Variants in FRMPD4 observed in about 807,000 individuals in gnomAD.
FRMPD4 encodes FERM and PDZ domain containing 4.
FRMPD4 carries 22 observed loss-of-function variants against 94.1 expected under a neutral mutation model. The observed-to-expected ratio is 0.23, with a 90% confidence interval of 0.17 to 0.33. The LOEUF is 0.33. FRMPD4 is among the 10% of genes least tolerant of loss of function. The pLI is 1.00. For synonymous variants in FRMPD4, 631 were observed against 548.6 expected (o/e 1.15, Z -2.10); for missense variants, 1,111 against 1,339.9 (o/e 0.83, Z 2.67).
intron 2 of FRMPD4, among the ~76,000 whole-genome samples, chrX:12,538,609 T>G (rs909192916): frequency 2.7e-5 from 3 of 111,257 alleles, no homozygotes; most frequent in African/African-American, 9.8e-5. Flanking sequence ...CACGGCCGGG[T>G]ACCCCTCTGA....
At chrX:12,095,260 C>A (rs2055188641) in intron 3 of FRMPD4, among the ~76,000 whole-genome samples, 2 of 108,706 alleles carry the variant, frequency 1.8e-5, no homozygotes, top group Non-Finnish European at 3.8e-5. Context: ...TGCTTGCGGT[C>A]CCAGCTACTC....
intron 1 of FRMPD4, among the ~76,000 whole-genome samples, chrX:12,286,725 C>A (rs2054605595): frequency 9.2e-6 from 1 of 108,997 alleles, no homozygotes; most frequent in South Asian, 4.0e-4. Context: ...TAGATGTTGC[C>A]TCAAATGAGT....
chrX:11,828,605 A>G (rs753959816), intron 1 of FRMPD4, among the ~76,000 whole-genome samples: 3 of 112,037 alleles, frequency 2.7e-5, no homozygotes, highest in Non-Finnish European at 5.6e-5. Context: ...TGTGTGCCCC[A>G]TCGAAAGTGG....
At chrX:12,289,184 A>G (rs113510494) in intron 1 of FRMPD4, among the ~76,000 whole-genome samples, 2,282 of 111,014 alleles carry the variant, frequency 0.021, 65 homozygotes, top group African/African-American at 0.071. Flanking sequence ...CTCTACTTTC[A>G]ATCTGATTTT....
At chrX:12,505,250 C>CTAG (rs1189709439) in intron 2 of FRMPD4, among the ~76,000 whole-genome samples, 1 of 111,698 alleles carries the variant, frequency 9.0e-6, no homozygotes, top group Non-Finnish European at 1.9e-5. Flanking sequence ...TTGAGCCAAC[C>CTAG]CTTGCAGAGA....
rs1318043144 is a variant in FRMPD4 at position 12,721,748 on chromosome X, G to A, written c.5179G>A (p.Gly1727Arg). 172 of 753,309 alleles carry A rather than the reference G, an allele frequency of 2.3e-4. No individual in the cohort carries two copies. The highest frequency in any genetic ancestry group is 2.7e-4 in the Non-Finnish European group (170 of 638,375). The allele number at this position is 753,309 out of a possible 1,213,427, so 62.1% of individuals were successfully genotyped here. The change falls in exon 17 of 17, where the codon GGA (glycine) becomes AGA (arginine). Residue 1727 changes from glycine to arginine, a missense_variant. Coordinates refer to ENST00000675598, the MANE Select transcript of FRMPD4 (RefSeq NM_001368397.1). ...ACTGAAAGCTGCCGAAGCAGCCACT[G>A]GAAAGAACCCTGGGGACCCTAATGT... is the stretch of plus-strand genomic sequence containing the variant. ...CLLKAAEAAT[G>R]KNPGDPNVGL...
rs1395867975 is a variant in FRMPD4, at chrX:12,388,850, T to TAC, written c.42-109824_42-109823dup. Among the ~76,000 whole-genome samples the TAC allele has an allele frequency of 1.8e-3, 130 of 73,332 alleles. 4 individuals carry two copies. The highest frequency in any genetic ancestry group is 7.2e-3 in the African/African-American group (111 of 15,455). 63.7% of individuals were successfully genotyped at this position (73,332 alleles called of 115,157 possible). ...ATATATATATATATATATATATATA[T>TAC]ACACACAATGGAGTACTATTCAGCC... is the stretch of plus-strand genomic sequence containing the variant. On this transcript the variant is annotated intron_variant, in intron 1 of 16. Coordinates refer to ENST00000675598, the MANE Select transcript of FRMPD4 (RefSeq NM_001368397.1).
At chrX:12,201,005 G>C (rs1051893180) in intron 1 of FRMPD4, among the ~76,000 whole-genome samples, 3 of 112,335 alleles carry the variant, frequency 2.7e-5, no homozygotes, top group African/African-American at 9.7e-5. Flanking sequence ...AACACTTACA[G>C]AGTTGCAACA....
chrX:12,370,076 A>G (rs1217172278), intron 1 of FRMPD4, among the ~76,000 whole-genome samples: 1 of 111,602 alleles, frequency 9.0e-6, no homozygotes, highest in Non-Finnish European at 1.9e-5. Flanking sequence ...TAATTTTCCA[A>G]TTTTTTAAGA....
chrX:11,956,439 G>A (rs1019418601), intron 3 of FRMPD4, among the ~76,000 whole-genome samples: 3 of 112,097 alleles, frequency 2.7e-5, no homozygotes, highest in Admixed American at 1.9e-4. Context: ...CTATTCTAAT[G>A]TAAGAAAGCC....
In FRMPD4 at chrX:11,978,321, CAAAAAAAAAAAAAA is replaced by C. The variant is rs1172824155; in HGVS notation, c.95+100318_95+100331del. On this transcript the variant is annotated intron_variant, in intron 3 of 18. Coordinates refer to the FRMPD4 transcript ENST00000640291. The stretch of plus-strand genomic sequence containing the variant: ...TGGATGACAGAGTGAAACTCCATCT[CAAAAAAAAAAAAAA>C]AAAAAAAAAAAAAAGTTCCCTGGCT... Among the ~76,000 whole-genome samples, 9 of 16,355 alleles carry C rather than the reference CAAAAAAAAAAAAAA, an allele frequency of 5.5e-4. No homozygotes were observed. In the East Asian group the frequency reaches 9.9e-3, roughly 18 times the overall value. 14.2% of individuals were successfully genotyped at this position (16,355 alleles called of 115,157 possible).
rs189003663 is a variant in FRMPD4, at chrX:11,934,849, A to G, written c.95+56831A>G. Among the ~76,000 whole-genome samples, 4 of 110,856 alleles carry G rather than the reference A, an allele frequency of 3.6e-5. No homozygotes were observed. The Admixed American group carries it at 3.8e-4, about 11-fold the overall frequency. On this transcript the variant is annotated intron_variant, in intron 3 of 18. Transcript: ENST00000640291. Reference sequence around the variant, plus strand: ...GTCCTTGAAGTTCATAGCAATTGCTATTCAAGACAAGATCGTTTTGTTGTT... The same window carrying G: ...GTCCTTGAAGTTCATAGCAATTGCTGTTCAAGACAAGATCGTTTTGTTGTT...
chrX:12,202,859 G>T (rs2056646940), intron 1 of FRMPD4, among the ~76,000 whole-genome samples: 1 of 111,633 alleles, frequency 9.0e-6, no homozygotes, highest in African/African-American at 3.3e-5. Flanking sequence ...TCCAAGAAAA[G>T]GAATGCCAAG....
intron 1 of FRMPD4, among the ~76,000 whole-genome samples, chrX:12,467,677 G>T (rs2057463551): frequency 8.9e-6 from 1 of 112,213 alleles, no homozygotes; most frequent in Admixed American, 9.5e-5. Flanking sequence ...GCTCAGCCAA[G>T]GGATATAGCA....
chrX:12,576,440 C>T (rs1256331548), intron 2 of FRMPD4, among the ~76,000 whole-genome samples: 2 of 112,736 alleles, frequency 1.8e-5, no homozygotes, highest in Non-Finnish European at 3.7e-5. Flanking sequence ...ACACAGGAGG[C>T]AGTCATCTGT....
intron 2 of FRMPD4, among the ~76,000 whole-genome samples, chrX:12,527,496 T>G (rs919941714): frequency 2.8e-5 from 3 of 108,019 alleles, no homozygotes; most frequent in Non-Finnish European, 3.9e-5. Context: ...AGTTTTTTTT[T>G]TTTTTTTTTT....
At chrX:12,553,182 A>AAG (rs774192005) in intron 2 of FRMPD4, among the ~76,000 whole-genome samples, 1 of 109,866 alleles carries the variant, frequency 9.1e-6, no homozygotes, top group African/African-American at 3.3e-5. Context: ...GAAAGAAAGA[A>AAG]AGAAAGAAAG....
At chrX:12,698,623 A>G (rs530268244) in intron 9 of FRMPD4, among the ~76,000 whole-genome samples, 2 of 108,948 alleles carry the variant, frequency 1.8e-5, no homozygotes, top group South Asian at 8.0e-4. Context: ...ATATATATAT[A>G]TTTGGAATAT....
Position 12,716,953 on chromosome X carries a change from G to A in FRMPD4, c.2494G>A (p.Glu832Lys), listed in dbSNP as rs145583343. 31 of 1,209,574 alleles carry A rather than the reference G, an allele frequency of 2.6e-5. No homozygotes were observed. Among genetic ancestry groups the A allele is most frequent in the East Asian group, 3.0e-5 (1 of 33,757 alleles). Residue 832 changes from glutamate to lysine, a missense_variant, in exon 15 of 17, where the codon GAG becomes AAG. By Grantham distance (56) the Glu-to-Lys change is moderately conservative. Around this residue, in one of 8 missense-constraint regions of FRMPD4, gnomAD observed 74 missense variants for 93.9 expected, o/e 0.79. Transcript: ENST00000675598. ...TCAGAGCCAGGCAGCTTCCTTCCCC[G>A]AGGACAAGGAGAAAGGCAGCAGCCT... ...DSQSQAASFP[E>K]DKEKGSSLQN...
Sources: gnomAD v4.1 joint callset for allele counts (sites outside exome capture counted in the v4.1 genomes callset) on GRCh38, gnomAD v4.1.1 for gene constraint, gnomAD v4.1.1 regional missense constraint, MANE v1.5 for transcripts, NCBI Gene and HGNC (gene_info 2026-07-23, HGNC 2026-07-21) for gene names.